Variants in MEMO1 observed in about 807,000 individuals in gnomAD.
MEMO1 encodes protein MEMO1.
MEMO1 carries 6 observed loss-of-function variants against 45.2 expected under a neutral mutation model. That is an observed-to-expected ratio of 0.13 (90% CI 0.07 to 0.26). MEMO1 has a LOEUF of 0.26. Ranked by LOEUF, MEMO1 falls within the 10% of genes least tolerant of loss-of-function variation. MEMO1 has a pLI of 1.00. For synonymous variants in MEMO1, 78 were observed against 124.3 expected (o/e 0.63, Z 2.48); for missense variants, 184 against 370.5 (o/e 0.50, Z 4.13).
intron 6 of MEMO1, among the ~76,000 whole-genome samples, chr2:31,894,119 C>T (rs1218780738): frequency 3.3e-5 from 5 of 152,026 alleles, no homozygotes; most frequent in African/African-American, 1.2e-4. Flanking sequence ...TAGATAAAAG[C>T]GTCAAAAACA....
chr2:31,913,712 G>A (rs928079547), intron 6 of MEMO1, among the ~76,000 whole-genome samples: 1 of 152,078 alleles, frequency 6.6e-6, no homozygotes, highest in African/African-American at 2.4e-5. Context: ...ATACGGTCAA[G>A]ACTAGTTGCT....
chr2:31,874,566 A>G (rs969561890), intron 8 of MEMO1, among the ~76,000 whole-genome samples: 2 of 152,058 alleles, frequency 1.3e-5, no homozygotes, highest in African/African-American at 4.8e-5. Context: ...TGTAATAACT[A>G]TATTTAGTAA....
At chr2:32,003,654 G>GA (rs1206229436) in intron 2 of MEMO1, among the ~76,000 whole-genome samples, 2 of 152,286 alleles carry the variant, frequency 1.3e-5, no homozygotes, top group East Asian at 3.9e-4. Context: ...AAAGCTCTTA[G>GA]AAAAAAGCAC....
intron 2 of MEMO1, among the ~76,000 whole-genome samples, chr2:31,948,800 G>A (rs1022610941): frequency 1.3e-5 from 2 of 152,190 alleles, no homozygotes; most frequent in African/African-American, 2.4e-5. Flanking sequence ...TTGGAAGGCT[G>A]AGGCAGGATT....
At chr2:31,932,355 T>A (rs1664285789) in intron 3 of MEMO1, among the ~76,000 whole-genome samples, 1 of 151,858 alleles carries the variant, frequency 6.6e-6, no homozygotes. Context: ...ACTTTGTAAT[T>A]TTTTTTTGTC....
In MEMO1 at chr2:31,962,288, C is replaced by T. The variant is rs142224922; in HGVS notation, c.62-18905G>A. ...CCTGTAATCCCAGCTATTCAGAAGG[C>T]TGAGGTAGGAGAATCACCTGAGCCT... is the stretch of plus-strand genomic sequence containing the variant. On this transcript the variant is annotated intron_variant, in intron 2 of 9. Transcript: ENST00000404530. Among the ~76,000 whole-genome samples the T allele has an allele frequency of 2.7e-4, 41 of 152,170 alleles. No homozygotes were observed. The East Asian group carries it at 7.0e-3, about 26-fold the overall frequency.
intron 2 of MEMO1, among the ~76,000 whole-genome samples, chr2:32,002,244 CATATAT>C (rs1558570305): frequency 3.0e-5 from 4 of 134,642 alleles, no homozygotes; most frequent in South Asian, 2.4e-4. Context: ...TATACATATA[CATATAT>C]ACGTGTATAT....
chr2:31,907,537 G>C (rs1176326125), intron 6 of MEMO1, among the ~76,000 whole-genome samples: 1 of 152,122 alleles, frequency 6.6e-6, no homozygotes, highest in Admixed American at 6.6e-5. Flanking sequence ...GCTCACACCT[G>C]TAATCCCAGC....
intron 2 of MEMO1, among the ~76,000 whole-genome samples, chr2:31,953,024 TA>T (rs1667005721): frequency 6.6e-6 from 1 of 152,240 alleles, no homozygotes; most frequent in African/African-American, 2.4e-5. Flanking sequence ...TTTGTGTTAT[TA>T]TAAACAATTC....
chr2:31,882,138 T>C (rs1675486119), intron 8 of MEMO1, among the ~76,000 whole-genome samples: 2 of 151,804 alleles, frequency 1.3e-5, no homozygotes, highest in Admixed American at 6.6e-5. Context: ...AGTGAGACCT[T>C]CTCTCTAAAT....
intron 2 of MEMO1, among the ~76,000 whole-genome samples, chr2:32,006,733 G>A (rs536845701): frequency 6.6e-6 from 1 of 152,146 alleles, no homozygotes; most frequent in Non-Finnish European, 1.5e-5. Flanking sequence ...TTGGGAGGCC[G>A]AGGCAGGCAG....
chr2:31,918,100 T>G (rs1681737108), intron 5 of MEMO1, 63 bp from the exon 6 acceptor site: 1 of 1,121,348 alleles, frequency 8.9e-7, no homozygotes, highest in East Asian at 2.8e-5. Context: ...CCTGTGAGAT[T>G]CCACCCAGTA....
intron 2 of MEMO1, among the ~76,000 whole-genome samples, chr2:31,954,947 G>A (rs187161217): frequency 1.1e-4 from 17 of 151,758 alleles, no homozygotes; most frequent in Admixed American, 8.5e-4. Flanking sequence ...TCCATTGCAC[G>A]TTAAAATGTG....
At chr2:31,921,863 G>A (rs1682357900) in intron 4 of MEMO1, among the ~76,000 whole-genome samples, 1 of 152,028 alleles carries the variant, frequency 6.6e-6, no homozygotes, top group Non-Finnish European at 1.5e-5. Context: ...TGTGTTATTT[G>A]CACTGTAGTC....
At chr2:31,895,653 C>A (rs1344857794) in intron 6 of MEMO1, among the ~76,000 whole-genome samples, 1 of 152,030 alleles carries the variant, frequency 6.6e-6, no homozygotes, top group African/African-American at 2.4e-5. Flanking sequence ...ATAATGGGAA[C>A]TTCAGAAAGG....
chr2:31,974,692 G>A (rs950945576), intron 2 of MEMO1, among the ~76,000 whole-genome samples: 1 of 151,814 alleles, frequency 6.6e-6, no homozygotes, highest in Admixed American at 6.6e-5. Context: ...GTTGCGGGGA[G>A]GCACAGAGGT....
chr2:31,976,277 C>CT (rs1558547860), intron 2 of MEMO1, among the ~76,000 whole-genome samples: 2 of 152,092 alleles, frequency 1.3e-5, no homozygotes, highest in Admixed American at 1.3e-4. Flanking sequence ...TAATTCAGAA[C>CT]TATAAAGAAT....
chr2:31,969,861 G>C (rs935372028), intron 2 of MEMO1, among the ~76,000 whole-genome samples: 4 of 151,740 alleles, frequency 2.6e-5, no homozygotes, highest in African/African-American at 9.7e-5. Context: ...CCCCCAAAAT[G>C]CTGGGATTAT....
chr2:31,979,178 C>G (rs1670360957), intron 2 of MEMO1, among the ~76,000 whole-genome samples: 1 of 152,134 alleles, frequency 6.6e-6, no homozygotes, highest in African/African-American at 2.4e-5. Flanking sequence ...ACCATCAGAT[C>G]TCGTGAGAAA....
Sources: gnomAD v4.1 joint callset for allele counts (sites outside exome capture counted in the v4.1 genomes callset) on GRCh38, gnomAD v4.1.1 for gene constraint, MANE v1.5 for transcripts, NCBI Gene and HGNC (gene_info 2026-07-23, HGNC 2026-07-21) for gene names.